The following PDE7B variants were observed in gnomAD, a reference collection of about 807,000 sequenced individuals.
The protein encoded by PDE7B is 3',5'-cyclic-AMP phosphodiesterase 7B.
PDE7B carries 29 observed loss-of-function variants against 56.2 expected under a neutral mutation model. The observed-to-expected ratio is 0.52, with a 90% CI of 0.38 to 0.70. The LOEUF is 0.70. PDE7B is among the 30% of genes least tolerant of loss of function. PDE7B has a pLI of 0.00. For missense variants in PDE7B, 490 were observed against 565.0 expected, an observed-to-expected ratio of 0.87 and a Z score of 1.35; for synonymous variants, 197 against 196.9, an observed-to-expected ratio of 1.00 and a Z score of 0.00.
chr6:136,173,742 A>G (rs1778930986), intron 8 of PDE7B, 55 bp from the exon 9 acceptor site: 2 of 1,139,594 alleles, frequency 1.8e-6, no homozygotes, highest in Admixed American at 3.4e-5. Context: ...TTCAGCATGA[A>G]AGATCAGTAT....
chr6:135,922,720 T>C lies in PDE7B; in HGVS notation c.22-24744T>C, dbSNP rs527327613. Reference sequence around the variant, plus strand: ...CAAAATCAATCACACATGGAGAAAATCAAAGTAGTAAAATTAACAACATAC... The same window carrying C: ...CAAAATCAATCACACATGGAGAAAACCAAAGTAGTAAAATTAACAACATAC... On this transcript the variant is annotated intron_variant, in intron 1 of 12. Transcript: ENST00000308191. Among the ~76,000 whole-genome samples, 5 of 152,196 alleles carry C rather than the reference T, an allele frequency of 3.3e-5. No homozygotes were observed. The East Asian group carries it at 9.7e-4, about 29-fold the overall frequency.
chr6:136,064,010 T>C (rs1776889994), intron 2 of PDE7B, among the ~76,000 whole-genome samples: 1 of 152,174 alleles, frequency 6.6e-6, no homozygotes, highest in African/African-American at 2.4e-5. Context: ...ATTAATAATG[T>C]TGACTGAAAA....
intron 3 of PDE7B, among the ~76,000 whole-genome samples, chr6:136,132,856 C>A (rs1778141548): frequency 6.6e-6 from 1 of 152,078 alleles, no homozygotes; most frequent in Admixed American, 6.6e-5. Flanking sequence ...TTAATGAAAC[C>A]TGCTTCCTTA....
chr6:135,934,271 C>G (rs1368442274), intron 1 of PDE7B, among the ~76,000 whole-genome samples: 1 of 152,172 alleles, frequency 6.6e-6, no homozygotes, highest in Non-Finnish European at 1.5e-5. Flanking sequence ...ATTTGAAACA[C>G]TTTGGTAGTT....
At chr6:136,098,719 G>A (rs1777511630) in intron 2 of PDE7B, among the ~76,000 whole-genome samples, 1 of 151,748 alleles carries the variant, frequency 6.6e-6, no homozygotes, top group Admixed American at 6.6e-5. Flanking sequence ...TTAATTATCT[G>A]AGTGCCAAGA....
At chr6:135,904,948 G>A (rs1776070021) in intron 1 of PDE7B, among the ~76,000 whole-genome samples, 3 of 152,200 alleles carry the variant, frequency 2.0e-5, no homozygotes, top group African/African-American at 7.2e-5. Flanking sequence ...CACATTCAGG[G>A]GTGGTTCATG....
chr6:135,937,693 C>T (rs866300903), intron 1 of PDE7B, among the ~76,000 whole-genome samples: 8 of 152,126 alleles, frequency 5.3e-5, no homozygotes, highest in South Asian at 2.1e-4. Flanking sequence ...TGGTTCTTCC[C>T]GCTTCCTCAA....
At chr6:136,043,418 G>T (rs1776445032) in intron 2 of PDE7B, among the ~76,000 whole-genome samples, 1 of 151,918 alleles carries the variant, frequency 6.6e-6, no homozygotes, top group Non-Finnish European at 1.5e-5. Flanking sequence ...GCAATGTTGA[G>T]ATCTTAAAAG....
chr6:135,898,345 T>C (rs1339185229), intron 1 of PDE7B, among the ~76,000 whole-genome samples: 2 of 152,164 alleles, frequency 1.3e-5, no homozygotes. Flanking sequence ...AACTGAATTC[T>C]TTGGAAAAAA....
intron 2 of PDE7B, among the ~76,000 whole-genome samples, chr6:136,052,949 A>G (rs1056468128): frequency 6.6e-6 from 1 of 151,930 alleles, no homozygotes; most frequent in Admixed American, 6.6e-5. Flanking sequence ...ACCTGTCCCA[A>G]GGCACAAGCT....
At chr6:135,920,531 T>A (rs1774054521) in intron 1 of PDE7B, among the ~76,000 whole-genome samples, 1 of 152,198 alleles carries the variant, frequency 6.6e-6, no homozygotes, top group Non-Finnish European at 1.5e-5. Context: ...CTCTCTGGAC[T>A]ATTTTTGTGT....
At chr6:136,143,811 C>A (rs1479598241) in intron 3 of PDE7B, among the ~76,000 whole-genome samples, 1 of 152,012 alleles carries the variant, frequency 6.6e-6, no homozygotes, top group East Asian at 1.9e-4. Flanking sequence ...ATTATCTTAA[C>A]TATGAATCTT....
chr6:135,930,159 C>T (rs895287332), intron 1 of PDE7B, among the ~76,000 whole-genome samples: 6 of 152,112 alleles, frequency 3.9e-5, no homozygotes, highest in African/African-American at 1.4e-4. Context: ...CAAGAAGGAG[C>T]AAGTCACCTC....
chr6:135,968,818 A>G (rs1022041992), intron 2 of PDE7B, among the ~76,000 whole-genome samples: 3 of 152,198 alleles, frequency 2.0e-5, no homozygotes, highest in South Asian at 2.1e-4. Context: ...AAATCATTCT[A>G]TTATAAAAAC....
chr6:136,017,716 A>C (rs965798951), intron 2 of PDE7B, among the ~76,000 whole-genome samples: 1 of 152,162 alleles, frequency 6.6e-6, no homozygotes, highest in African/African-American at 2.4e-5. Flanking sequence ...GAATTGGGTG[A>C]CTGAAGTTAC....
chr6:136,065,888 T>A (rs549904299), intron 2 of PDE7B, among the ~76,000 whole-genome samples: 280 of 152,368 alleles, frequency 1.8e-3, no homozygotes, highest in Non-Finnish European at 3.0e-3. Flanking sequence ...CTTTATTTTT[T>A]ATCAGTTCTT....
At chr6:136,046,567 A>G (rs552044427) in intron 2 of PDE7B, among the ~76,000 whole-genome samples, 55 of 152,214 alleles carry the variant, frequency 3.6e-4, no homozygotes, top group South Asian at 8.3e-4. Context: ...AGAGGTGCCA[A>G]CCTCAGAGGG....
intron 1 of PDE7B, among the ~76,000 whole-genome samples, chr6:135,928,564 T>C (rs1357136116): frequency 7.0e-6 from 1 of 142,096 alleles, no homozygotes; most frequent in Non-Finnish European, 1.5e-5. Flanking sequence ...CACCCCTATA[T>C]ATACATATAT....
intron 2 of PDE7B, among the ~76,000 whole-genome samples, chr6:135,979,138 G>A (rs1775247899): frequency 6.6e-6 from 1 of 151,948 alleles, no homozygotes; most frequent in African/African-American, 2.4e-5. Flanking sequence ...AGATAATCAT[G>A]TGGTTTTTGT....
Sources: allele counts gnomAD v4.1 joint callset (sites outside exome capture counted in the v4.1 genomes callset), GRCh38; gene constraint gnomAD v4.1.1; transcripts MANE v1.5; gene names NCBI Gene and HGNC (gene_info 2026-07-23, HGNC 2026-07-21).